The following TBC1D14 variants were observed in gnomAD, a reference collection of about 807,000 sequenced individuals.
The protein encoded by TBC1D14 is TBC1 domain family, member 14.
A neutral mutation model predicts 79.0 loss-of-function variants in TBC1D14; 26 were observed. That is an observed-to-expected ratio of 0.33 (90% CI 0.24 to 0.46). The LOEUF (loss-of-function observed/expected upper bound fraction) is 0.46, where lower values mean the gene tolerates loss of function less well. Among genes scored for constraint, TBC1D14 ranks in the 20% least tolerant of loss-of-function variants. The pLI is 1.00. For missense variants in TBC1D14, 769 were observed against 887.6 expected, an observed-to-expected ratio of 0.87 and a Z score of 1.70; for synonymous variants, 394 against 349.9, an observed-to-expected ratio of 1.13 and a Z score of -1.40.
chr4:6,950,009 T>C (rs540952276), intron 2 of TBC1D14, among the ~76,000 whole-genome samples: 18 of 152,314 alleles, frequency 1.2e-4, no homozygotes, highest in Admixed American at 2.6e-4. Flanking sequence ...ACCTGTTATC[T>C]GGGTTTCAAG....
At chr4:6,946,227 G>C (rs1713441016) in intron 2 of TBC1D14, among the ~76,000 whole-genome samples, 1 of 152,014 alleles carries the variant, frequency 6.6e-6, no homozygotes, top group African/African-American at 2.4e-5. Context: ...TGTATTTGTT[G>C]AATGAAAAAA....
chr4:6,929,081 T>G (rs1216963144), intron 2 of TBC1D14, among the ~76,000 whole-genome samples: 1 of 152,192 alleles, frequency 6.6e-6, no homozygotes, highest in African/African-American at 2.4e-5. Flanking sequence ...GCACCTGCTA[T>G]GGACCTGCAT....
At chr4:7,000,419 A>G (rs538247626) in intron 6 of TBC1D14, among the ~76,000 whole-genome samples, 2 of 152,300 alleles carry the variant, frequency 1.3e-5, no homozygotes, top group South Asian at 2.1e-4. Flanking sequence ...AGGATGGTAT[A>G]GGTTCAGAGA....
At chr4:7,011,913 A>G (rs999442410) in intron 11 of TBC1D14, among the ~76,000 whole-genome samples, 10 of 152,034 alleles carry the variant, frequency 6.6e-5, no homozygotes, top group African/African-American at 2.4e-4. Flanking sequence ...AAAATGATCT[A>G]ATACTTTAGA....
intron 6 of TBC1D14, among the ~76,000 whole-genome samples, chr4:6,999,925 C>T (rs1016648062): frequency 2.0e-5 from 3 of 152,076 alleles, no homozygotes; most frequent in East Asian, 1.9e-4. Context: ...TTTTTATTCT[C>T]GTGTTCAGAA....
At chr4:6,944,743 G>T (rs1416111705) in intron 2 of TBC1D14, among the ~76,000 whole-genome samples, 1 of 152,192 alleles carries the variant, frequency 6.6e-6, no homozygotes, top group Non-Finnish European at 1.5e-5. Context: ...GGTTTCTCCT[G>T]TCCTCCTCAT....
At chr4:6,910,880 C>G (rs1247081965) in intron 1 of TBC1D14, among the ~76,000 whole-genome samples, 2 of 152,184 alleles carry the variant, frequency 1.3e-5, no homozygotes, top group Non-Finnish European at 2.9e-5. Flanking sequence ...CTGGAGGTCC[C>G]TGGGCATCAC....
intron 3 of TBC1D14, among the ~76,000 whole-genome samples, chr4:6,971,786 GC>G (rs1191985291): frequency 6.6e-6 from 1 of 152,190 alleles, no homozygotes; most frequent in Non-Finnish European, 1.5e-5. Context: ...TTTAACAGAA[GC>G]TACAGGTCAT....
At chr4:7,027,895 C>A (rs1722611906) in intron 13 of TBC1D14, among the ~76,000 whole-genome samples, 2 of 146,850 alleles carry the variant, frequency 1.4e-5, no homozygotes, top group African/African-American at 5.1e-5. Context: ...CACCCAGTCA[C>A]CCACAATCAC....
At chr4:7,010,047 C>G in intron 10 of TBC1D14, 99 bp downstream of exon 10, 1 of 1,352,902 alleles carries the variant, frequency 7.4e-7, no homozygotes, top group Non-Finnish European at 1.1e-6. Context: ...CCAGTGCCTT[C>G]GTTTTTGCCG....
At chr4:6,971,765 A>G (rs1375987273) in intron 3 of TBC1D14, among the ~76,000 whole-genome samples, 2 of 152,216 alleles carry the variant, frequency 1.3e-5, no homozygotes, top group Non-Finnish European at 2.9e-5. Context: ...CTGGGGCCCA[A>G]CAAGTTTTGT....
intron 2 of TBC1D14, among the ~76,000 whole-genome samples, chr4:6,930,374 C>T (rs1334421833): frequency 6.6e-6 from 1 of 152,114 alleles, no homozygotes; most frequent in African/African-American, 2.4e-5. Flanking sequence ...TGTGGGCTGG[C>T]CATCGACAGG....
chr4:7,008,936 A>T (rs1302542219), intron 9 of TBC1D14, among the ~76,000 whole-genome samples: 1 of 151,994 alleles, frequency 6.6e-6, no homozygotes, highest in Non-Finnish European at 1.5e-5. Context: ...GCAGACCGTC[A>T]CCCCCACCCT....
intron 7 of TBC1D14, among the ~76,000 whole-genome samples, chr4:7,002,568 G>A (rs1344625141): frequency 2.6e-5 from 4 of 152,322 alleles, no homozygotes; most frequent in Middle Eastern, 3.4e-3. Context: ...CTCGATTTGT[G>A]TACATTGTGT....
intron 3 of TBC1D14, among the ~76,000 whole-genome samples, chr4:6,981,294 G>A (rs1251701265): frequency 6.6e-6 from 1 of 152,142 alleles, no homozygotes; most frequent in Non-Finnish European, 1.5e-5. Flanking sequence ...CAAAGTGCTG[G>A]GATTACAGGT....
At chr4:7,011,546 T>G (rs1030681288) in intron 11 of TBC1D14, among the ~76,000 whole-genome samples, 6 of 147,122 alleles carry the variant, frequency 4.1e-5, no homozygotes, top group Non-Finnish European at 7.6e-5. Context: ...GTTTTTTTTG[T>G]TTTTTTTGTT....
At chr4:6,974,480 T>C (rs1716533118) in intron 3 of TBC1D14, among the ~76,000 whole-genome samples, 1 of 152,218 alleles carries the variant, frequency 6.6e-6, no homozygotes, top group Non-Finnish European at 1.5e-5. Flanking sequence ...CTCGTCATGT[T>C]GTGGGTACCC....
At chr4:6,986,497 T>A (rs1717839627) in intron 3 of TBC1D14, among the ~76,000 whole-genome samples, 1 of 152,218 alleles carries the variant, frequency 6.6e-6, no homozygotes. Context: ...GTCACAGGCT[T>A]CCTCTGATGG....
chr4:7,001,076 C>T (rs2301817), intron 6 of TBC1D14, 69 bp from the exon 7 acceptor site: 1,124,704 of 1,375,606 alleles, frequency 0.82, 460,872 homozygotes, highest in East Asian at 0.98. Flanking sequence ...TGGTTCGGGG[C>T]TAGGCACGCA....
Sources: gnomAD v4.1 joint callset for allele counts (sites outside exome capture counted in the v4.1 genomes callset) on GRCh38, gnomAD v4.1.1 for gene constraint, MANE v1.5 for transcripts, NCBI Gene and HGNC (gene_info 2026-07-23, HGNC 2026-07-21) for gene names.